CCDC170: variants seen among roughly 807,000 people sequenced by gnomAD.
CCDC170 encodes the protein coiled-coil domain containing 170.
Under a neutral mutation model 72.6 loss-of-function variants are expected in CCDC170, and 69 were observed. The observed-to-expected ratio is 0.95, with a 90% confidence interval of 0.78 to 1.16. The LOEUF (loss-of-function observed/expected upper bound fraction) is 1.16. Ranked by LOEUF, CCDC170 falls within the 50% of genes most tolerant of loss-of-function variation. The pLI is 0.00. For missense variants in CCDC170, 852 were observed against 832.5 expected, an observed-to-expected ratio of 1.02 and a Z score of -0.29; for synonymous variants, 300 against 303.9, an observed-to-expected ratio of 0.99 and a Z score of 0.13.
chr6:151,516,066 GA>G (rs1325647534), intron 1 of CCDC170, among the ~76,000 whole-genome samples: 2,676 of 120,382 alleles, frequency 0.022, 58 homozygotes, highest in African/African-American at 0.071. Flanking sequence ...TTCTGTCTCA[GA>G]AAAAAAAAAA....
intron 9 of CCDC170, among the ~76,000 whole-genome samples, chr6:151,608,798 T>A (rs1330315482): frequency 6.6e-6 from 1 of 152,160 alleles, no homozygotes; most frequent in Non-Finnish European, 1.5e-5. Context: ...CTGGGGAGCA[T>A]GCACTTTCAG....
At chr6:151,568,660 C>G (rs1045601264) in intron 5 of CCDC170, among the ~76,000 whole-genome samples, 1 of 152,172 alleles carries the variant, frequency 6.6e-6, no homozygotes, top group Non-Finnish European at 1.5e-5. Context: ...ACAAATGGTA[C>G]TATACTATGT....
rs550200852 is a variant in CCDC170, at chr6:151,525,034, G to A, written c.58-11284G>A. ...TGCAAACTCCGCCTCCCAGGTTCACGCCATTCTCCTGCTTCAGCCTCCCTA... is the reference window on the plus strand; with the variant it reads ...TGCAAACTCCGCCTCCCAGGTTCACACCATTCTCCTGCTTCAGCCTCCCTA... On this transcript the variant is annotated intron_variant, in intron 1 of 10. Transcript: ENST00000239374. Among the ~76,000 whole-genome samples, 13 of 146,500 alleles carry A rather than the reference G, an allele frequency of 8.9e-5. 1 individual carries two copies. In the South Asian group the frequency reaches 2.4e-3, roughly 27 times the overall value.
chr6:151,519,359 G>C (rs550290888), intron 1 of CCDC170, among the ~76,000 whole-genome samples: 1 of 152,118 alleles, frequency 6.6e-6, no homozygotes, highest in African/African-American at 2.4e-5. Context: ...TATTCTGCCC[G>C]ACCCCGCAGG....
intron 6 of CCDC170, among the ~76,000 whole-genome samples, chr6:151,580,841 G>T (rs893392671): frequency 6.6e-6 from 1 of 152,092 alleles, no homozygotes; most frequent in Admixed American, 6.6e-5. Context: ...AGACCACTGC[G>T]ACAAAGCAAG....
At chr6:151,548,924 G>A (rs550527955) in intron 5 of CCDC170, among the ~76,000 whole-genome samples, 114 of 151,086 alleles carry the variant, frequency 7.5e-4, no homozygotes, top group Non-Finnish European at 2.5e-4. Flanking sequence ...TGTTTTGGAC[G>A]GAGTCTCACT....
At chr6:151,503,162 C>T (rs1468177293) in intron 1 of CCDC170, among the ~76,000 whole-genome samples, 2 of 150,200 alleles carry the variant, frequency 1.3e-5, no homozygotes, top group Admixed American at 6.6e-5. Flanking sequence ...GGCGACAGGG[C>T]GAGACTACAT....
rs550895468 is a variant in CCDC170 at position 151,561,642 on chromosome 6, G to GT, written c.775-11526dup. 2.1e-3 allele frequency among the ~76,000 whole-genome samples: 313 copies of GT among 152,106 alleles called. 4 individuals carry two copies. The highest frequency in any genetic ancestry group is 7.3e-3 in the African/African-American group (305 of 41,532). ...GCCCTTTTTTCTAGGGGCCTTTAAG[G>GT]TTTTTTCTTTCTAATTGACCTTGGA... On this transcript the variant is annotated intron_variant, in intron 5 of 10. Transcript: ENST00000239374.
rs527843692 is a variant in CCDC170, at chr6:151,512,169, T to G, written c.57+17984T>G. 6.8e-4 allele frequency among the ~76,000 whole-genome samples: 102 copies of G among 149,070 alleles called. 1 individual carries two copies. The highest frequency in any genetic ancestry group is 1.3e-3 in the South Asian group (6 of 4,694). On this transcript the variant is annotated intron_variant, in intron 1 of 10. Coordinates refer to ENST00000239374, the MANE Select transcript of CCDC170 (RefSeq NM_025059.4). ...AGTATACCGTTTTTTTTTGTTTTTT[T>G]TTTTTTTTGAGATGGAGTCTCGCTC...
rs779650559 is a variant in CCDC170, at chr6:151,540,373, C to CTTTTTTTTTTTTTTTTTTTTTT, written c.443+2080_443+2101dup. 1.1e-4 allele frequency among the ~76,000 whole-genome samples: 4 copies of CTTTTTTTTTTTTTTTTTTTTTT among 37,982 alleles called. 1 individual carries two copies. The highest frequency in any genetic ancestry group is 2.0e-4 in the Non-Finnish European group (4 of 20,510). 24.9% of individuals were successfully genotyped at this position (37,982 alleles called of 152,430 possible). A position where few individuals can be genotyped will look rare whatever the true frequency, so the allele number is the denominator to read the frequency against. On this transcript the variant is annotated intron_variant, in intron 3 of 10. Coordinates refer to ENST00000239374, the MANE Select transcript of CCDC170 (RefSeq NM_025059.4). ...CCTCCTCCTCCTTCTTCTGCTGCTG[C>CTTTTTTTTTTTTTTTTTTTTTT]TTTTTTTTTTTTTTTTTTTTTTTTT...
intron 3 of CCDC170, among the ~76,000 whole-genome samples, chr6:151,540,410 A>T (rs567760765): frequency 5.7e-5 from 2 of 35,382 alleles, no homozygotes; most frequent in East Asian, 1.0e-3. Context: ...TTTGTGACAG[A>T]GTGTTGCTCT....
At chr6:151,558,232 G>GTTTTTTTTTTTTTTTTT (rs55648936) in intron 5 of CCDC170, among the ~76,000 whole-genome samples, 1 of 70,880 alleles carries the variant, frequency 1.4e-5, no homozygotes, top group Non-Finnish European at 2.6e-5. Flanking sequence ...TGAGATTAGT[G>GTTTTTTTTTTTTTTTTT]TTTTTTTTTT....
Position 151,499,601 on chromosome 6 carries a change from G to T in CCDC170, c.57+5416G>T, listed in dbSNP as rs1198208645. Among the ~76,000 whole-genome samples, 15 of 101,724 alleles carry T rather than the reference G, an allele frequency of 1.5e-4. 1 individual carries two copies. The highest frequency in any genetic ancestry group is 3.7e-4 in the African/African-American group (8 of 21,644). 66.7% of individuals were successfully genotyped at this position (101,724 alleles called of 152,430 possible). ...TAGGCACGCTGTATAAGTGGAATCAGACCGTATTTGACTATTTTAGGCACG... is the reference window on the plus strand; with the variant it reads ...TAGGCACGCTGTATAAGTGGAATCATACCGTATTTGACTATTTTAGGCACG... On this transcript the variant is annotated intron_variant, in intron 1 of 10. Transcript: ENST00000239374.
chr6:151,591,046 A>G (rs1776526921), intron 7 of CCDC170, among the ~76,000 whole-genome samples: 1 of 151,926 alleles, frequency 6.6e-6, no homozygotes, highest in African/African-American at 2.4e-5. Flanking sequence ...ACTGTGACTT[A>G]TAAAGAAGAG....
At chr6:151,565,004 C>T (rs4334998) in intron 5 of CCDC170, among the ~76,000 whole-genome samples, 136,671 of 152,196 alleles carry the variant, frequency 0.9, 61,515 homozygotes, top group East Asian at 0.99. Flanking sequence ...CTGGGGAGCA[C>T]GTGCTTTGGC....
chr6:151,496,414 A>C (rs747164038), intron 1 of CCDC170, among the ~76,000 whole-genome samples: 1 of 152,232 alleles, frequency 6.6e-6, no homozygotes, highest in Non-Finnish European at 1.5e-5. Context: ...TAATTGGCTT[A>C]AAATAACTAA....
intron 3 of CCDC170, among the ~76,000 whole-genome samples, chr6:151,541,502 C>G (rs1030763283): frequency 7.9e-5 from 12 of 152,050 alleles, no homozygotes; most frequent in Non-Finnish European, 1.3e-4. Context: ...CAGGTGCACA[C>G]CACTGCGCCT....
In CCDC170 at chr6:151,596,409, G is replaced by A; in HGVS notation, c.1542G>A (p.Leu514=). The change falls in exon 9 of 11, where the codon CTG becomes CTA. Residue 514 remains leucine, a synonymous_variant. Coordinates refer to ENST00000239374, the MANE Select transcript of CCDC170 (RefSeq NM_025059.4). The part of the protein sequence containing the change: ...MSLLRQKIAQ[L]EEEKQARTAL... ...TCCTCCGGCAGAAAATAGCCCAGCT[G>A]GAGGAGGAGAAGCAGGCACGCACGG... The A allele has an allele frequency of 6.2e-7, 1 of 1,614,134 alleles. No homozygotes were observed. The highest frequency in any genetic ancestry group is 8.5e-7 in the Non-Finnish European group (1 of 1,180,012).
intron 6 of CCDC170, among the ~76,000 whole-genome samples, chr6:151,575,525 C>CTTTTTTTTTTTTTTTTTT (rs869185539): frequency 5.0e-5 from 4 of 79,664 alleles, no homozygotes; most frequent in Non-Finnish European, 6.3e-5. Context: ...TCTTTTCTTT[C>CTTTTTTTTTTTTTTTTTT]TTTTTTTTTT....
Sources: allele counts gnomAD v4.1 joint callset (sites outside exome capture counted in the v4.1 genomes callset), GRCh38; gene constraint gnomAD v4.1.1; transcripts MANE v1.5; gene names NCBI Gene and HGNC (gene_info 2026-07-23, HGNC 2026-07-21).